KCNG2: variants seen among roughly 807,000 people sequenced by gnomAD.
The protein encoded by KCNG2 is voltage-gated potassium channel regulatory subunit KCNG2.
Under a neutral mutation model 12.3 loss-of-function variants are expected in KCNG2, and 7 were observed. The ratio of observed to expected loss-of-function variants is 0.57; its 90% CI spans 0.32 to 1.07. The LOEUF (loss-of-function observed/expected upper bound fraction) is 1.07, where lower values mean the gene tolerates loss of function less well. KCNG2 is among the 50% of genes least tolerant of loss of function. The pLI, the probability that KCNG2 is intolerant of heterozygous loss-of-function variation, is 0.04. For synonymous variants in KCNG2, 414 were observed against 351.4 expected (o/e 1.18, Z -1.99); for missense variants, 703 against 726.0 (o/e 0.97, Z 0.36).
At chr18:79,887,090 T>G in intron 3 of KCNG2, among the ~76,000 whole-genome samples, 2 of 141,670 alleles carry the variant, frequency 1.4e-5, no homozygotes, top group Admixed American at 6.8e-5. Context: ...GACAGGGACA[T>G]AGGGCCATAG....
chr18:79,877,675 G>A (rs768952791), intron 3 of KCNG2, among the ~76,000 whole-genome samples: 3 of 152,174 alleles, frequency 2.0e-5, no homozygotes, highest in Non-Finnish European at 4.4e-5. Flanking sequence ...AGGCCCAGGA[G>A]CACCCACACT....
chr18:79,872,892 G>A (rs533708774), intron 3 of KCNG2, among the ~76,000 whole-genome samples: 58 of 152,236 alleles, frequency 3.8e-4, no homozygotes, highest in Non-Finnish European at 7.3e-4. Flanking sequence ...CGAGGGAAGC[G>A]AAGCCTCGTG....
chr18:79,848,902 G>T (rs1178835636), intron 1 of KCNG2, among the ~76,000 whole-genome samples: 1 of 152,180 alleles, frequency 6.6e-6, no homozygotes, highest in African/African-American at 2.4e-5. Flanking sequence ...TCCGCATGGG[G>T]CCCTGGTACC....
chr18:79,857,835 T>C (rs1038060694), intron 2 of KCNG2, among the ~76,000 whole-genome samples: 1 of 152,036 alleles, frequency 6.6e-6, no homozygotes, highest in Admixed American at 6.6e-5. Flanking sequence ...TTTAGTGTAT[T>C]AACAATGCTG....
chr18:79,810,758 T>C (rs1309055474), intron 1 of KCNG2, among the ~76,000 whole-genome samples: 3 of 152,100 alleles, frequency 2.0e-5, no homozygotes, highest in South Asian at 4.2e-4. Context: ...AGTGAGATGC[T>C]GTATAAAAAG....
intron 3 of KCNG2, among the ~76,000 whole-genome samples, chr18:79,875,717 G>A (rs548028517): frequency 1.3e-5 from 2 of 152,344 alleles, no homozygotes; most frequent in East Asian, 3.9e-4. Context: ...CAAGACTGTG[G>A]TGTTCACGGG....
intron 1 of KCNG2, among the ~76,000 whole-genome samples, chr18:79,806,298 T>C (rs1276574721): frequency 1.3e-5 from 2 of 152,212 alleles, no homozygotes; most frequent in Admixed American, 6.5e-5. Context: ...AAGGCCGCTG[T>C]GTCGGGGGTC....
chr18:79,821,366 G>A (rs4799089), intron 1 of KCNG2, among the ~76,000 whole-genome samples: 14,561 of 148,244 alleles, frequency 0.098, 1,253 homozygotes, highest in South Asian at 0.35. Flanking sequence ...CTTGGCTCAC[G>A]GCAACATCTG....
chr18:79,891,060 C>A (rs1243921151), intron 3 of KCNG2, among the ~76,000 whole-genome samples: 1 of 152,080 alleles, frequency 6.6e-6, no homozygotes, highest in Non-Finnish European at 1.5e-5. Context: ...TTCATTAATT[C>A]CTGCTCTCAT....
intron 3 of KCNG2, 36 bp downstream of exon 3, chr18:79,864,327 AGCTGGGGCTGG>A: frequency 6.5e-6 from 7 of 1,083,366 alleles, no homozygotes; most frequent in Non-Finnish European, 8.3e-6. Flanking sequence ...ACCGGGCCGG[AGCTGGGGCTGG>A]GCTGGGATCT....
At chr18:79,832,039 C>T (rs551117232) in intron 1 of KCNG2, among the ~76,000 whole-genome samples, 18 of 152,318 alleles carry the variant, frequency 1.2e-4, no homozygotes, top group Admixed American at 1.1e-3. Flanking sequence ...CATAGCTAGG[C>T]ACCCCCGGGC....
At position 79,821,211 on chromosome 18, in the gene KCNG2, T is replaced by C. The variant is rs549341215; in HGVS notation, c.-115+23197T>C. On this transcript the variant is annotated intron_variant, in intron 1 of 3. Coordinates refer to ENST00000316249, the MANE Select transcript of KCNG2 (RefSeq NM_012283.2). ...ATTGCCAAATCCAACATCATGAAGA[T>C]TTGACCACATGTTTTATTCTAAGAG... 5.6e-4 allele frequency among the ~76,000 whole-genome samples: 85 copies of C among 152,250 alleles called. 1 individual carries two copies. Among genetic ancestry groups the C allele is most frequent in the African/African-American group, 2.0e-3 (82 of 41,538 alleles).
At chr18:79,895,780 T>C (rs1190677577) in intron 3 of KCNG2, among the ~76,000 whole-genome samples, 1 of 152,174 alleles carries the variant, frequency 6.6e-6, no homozygotes, top group Non-Finnish European at 1.5e-5. Flanking sequence ...CTGCTTTTCA[T>C]TGGGTTGTTC....
At chr18:79,868,416 C>G (rs1171649811) in intron 3 of KCNG2, among the ~76,000 whole-genome samples, 2 of 152,130 alleles carry the variant, frequency 1.3e-5, no homozygotes, top group Admixed American at 6.5e-5. Context: ...GGTTAAGAAG[C>G]AGTCGCCCTC....
chr18:79,873,484 C>A (rs1406565260), intron 3 of KCNG2, among the ~76,000 whole-genome samples: 1 of 151,212 alleles, frequency 6.6e-6, no homozygotes, highest in Non-Finnish European at 1.5e-5. Context: ...GGCCACCGGC[C>A]CCTCTGAGCA....
intron 3 of KCNG2, among the ~76,000 whole-genome samples, chr18:79,882,039 A>T (rs1200986902): frequency 1.3e-5 from 2 of 151,126 alleles, no homozygotes; most frequent in Non-Finnish European, 3.0e-5. Context: ...TACGTTTTAT[A>T]CAAAAATTCA....
At chr18:79,816,340 G>C (rs2087527365) in intron 1 of KCNG2, 2 of 152,294 alleles carry the variant, frequency 1.3e-5, no homozygotes, top group African/African-American at 4.8e-5. Context: ...TGACGGCGGA[G>C]GACCCAGCAC....
At chr18:79,876,427 C>T (rs891824300) in intron 3 of KCNG2, among the ~76,000 whole-genome samples, 2 of 152,230 alleles carry the variant, frequency 1.3e-5, no homozygotes, top group Non-Finnish European at 2.9e-5. Context: ...TGCGGCGTGG[C>T]CACTGCTGTG....
intron 1 of KCNG2, among the ~76,000 whole-genome samples, chr18:79,844,863 G>T (rs1208198926): frequency 1.3e-5 from 2 of 152,162 alleles, no homozygotes; most frequent in Non-Finnish European, 2.9e-5. Flanking sequence ...AACTAAATAT[G>T]CAACTAGCCA....
Sources: allele counts gnomAD v4.1 joint callset (sites outside exome capture counted in the v4.1 genomes callset), GRCh38; gene constraint gnomAD v4.1.1; transcripts MANE v1.5; gene names NCBI Gene and HGNC (gene_info 2026-07-23, HGNC 2026-07-21).